The following PAX5 variants were observed in gnomAD, a reference collection of about 807,000 sequenced individuals.
PAX5 encodes the protein paired box 5.
In PAX5, 9 loss-of-function variants were observed where a neutral mutation model predicts 43.7. That is an observed-to-expected ratio of 0.21 (90% CI 0.12 to 0.36). The LOEUF (loss-of-function observed/expected upper bound fraction) is 0.36, where lower values mean the gene tolerates loss of function less well. Among genes scored for constraint, PAX5 ranks in the 10% least tolerant of loss-of-function variants. PAX5 has a pLI of 1.00. For missense variants in PAX5, 383 were observed against 532.7 expected (o/e 0.72, Z 2.77); for synonymous variants, 228 against 214.3 (o/e 1.06, Z -0.56).
chr9:36,939,897 G>A (rs1261436525), intron 6 of PAX5, among the ~76,000 whole-genome samples: 12 of 151,758 alleles, frequency 7.9e-5, no homozygotes. Flanking sequence ...CAGTGTCCTC[G>A]TGGCCACTCT....
At chr9:36,946,030 A>G (rs955782871) in intron 6 of PAX5, among the ~76,000 whole-genome samples, 2 of 152,186 alleles carry the variant, frequency 1.3e-5, no homozygotes, top group Non-Finnish European at 1.5e-5. Context: ...CTAAAGGAAC[A>G]GCACGCAGGA....
At chr9:36,972,407 A>G (rs1834989622) in intron 5 of PAX5, among the ~76,000 whole-genome samples, 1 of 152,190 alleles carries the variant, frequency 6.6e-6, no homozygotes, top group African/African-American at 2.4e-5. Flanking sequence ...CCCCAGTAGT[A>G]AGCTAAGGTA....
intron 6 of PAX5, among the ~76,000 whole-genome samples, chr9:36,950,325 G>A (rs1832891441): frequency 6.6e-6 from 1 of 152,194 alleles, no homozygotes; most frequent in Non-Finnish European, 1.5e-5. Context: ...TGGTTTCATA[G>A]CCAAGACATT....
intron 1 of PAX5, among the ~76,000 whole-genome samples, chr9:37,027,806 G>C (rs1156232879): frequency 6.6e-6 from 1 of 152,270 alleles, no homozygotes; most frequent in Non-Finnish European, 1.5e-5. Context: ...AGCCGGCCCT[G>C]GCCCGAAACA....
intron 6 of PAX5, among the ~76,000 whole-genome samples, chr9:36,949,817 AG>A (rs1281228990): frequency 2.6e-5 from 4 of 152,262 alleles, no homozygotes; most frequent in South Asian, 4.1e-4. Context: ...ATCCTACCAC[AG>A]CATCTCCTCA....
At chr9:36,990,401 G>T (rs1057074571) in intron 5 of PAX5, among the ~76,000 whole-genome samples, 2 of 152,194 alleles carry the variant, frequency 1.3e-5, no homozygotes, top group African/African-American at 2.4e-5. Context: ...ACTGGAGTGC[G>T]CATGAAAAGA....
intron 5 of PAX5, among the ~76,000 whole-genome samples, chr9:36,980,939 C>T (rs80003182): frequency 2.0e-5 from 3 of 152,216 alleles, no homozygotes; most frequent in Admixed American, 6.5e-5. Context: ...GGTACCCCCC[C>T]AGCAATCCCA....
chr9:36,843,093 C>T (rs562909908), intron 9 of PAX5, among the ~76,000 whole-genome samples: 99 of 149,202 alleles, frequency 6.6e-4, no homozygotes, highest in African/African-American at 1.6e-3. Context: ...TGTGTGTGTG[C>T]GTGTGTGTGT....
intron 5 of PAX5, among the ~76,000 whole-genome samples, 185 bp downstream of exon 5, chr9:37,002,463 G>A (rs1424739496): frequency 6.6e-6 from 1 of 152,258 alleles, no homozygotes; most frequent in Non-Finnish European, 1.5e-5. Context: ...CCTGCTGCCT[G>A]TCTGTCTTGC....
At chr9:36,876,335 T>C (rs1364522468) in intron 8 of PAX5, among the ~76,000 whole-genome samples, 1 of 152,252 alleles carries the variant, frequency 6.6e-6, no homozygotes, top group Non-Finnish European at 1.5e-5. Context: ...CATCAATCCA[T>C]GGCAAGTACA....
At chr9:36,982,179 G>T (rs181919330) in intron 5 of PAX5, among the ~76,000 whole-genome samples, 1 of 152,138 alleles carries the variant, frequency 6.6e-6, no homozygotes, top group Non-Finnish European at 1.5e-5. Context: ...CAGGAGAATC[G>T]CTTGAACCCA....
chr9:36,977,242 T>C (rs1039049335), intron 5 of PAX5, among the ~76,000 whole-genome samples: 5 of 140,058 alleles, frequency 3.6e-5, no homozygotes, highest in African/African-American at 5.4e-5. Context: ...CTTCCTCCCA[T>C]TTTACAGATG....
At chr9:37,017,073 A>C (rs1839445611) in intron 2 of PAX5, among the ~76,000 whole-genome samples, 1 of 152,178 alleles carries the variant, frequency 6.6e-6, no homozygotes, top group Admixed American at 6.5e-5. Flanking sequence ...ACAATATCCC[A>C]AAAAAACCAG....
intron 5 of PAX5, among the ~76,000 whole-genome samples, chr9:36,997,560 C>G (rs971407410): frequency 3.9e-5 from 6 of 152,244 alleles, no homozygotes; most frequent in Admixed American, 6.5e-5. Flanking sequence ...TGCCAAGTCT[C>G]TCCCTGCCAC....
chr9:36,992,754 C>T (rs1438971110), intron 5 of PAX5, among the ~76,000 whole-genome samples: 1 of 152,170 alleles, frequency 6.6e-6, no homozygotes, highest in Admixed American at 6.5e-5. Context: ...TTAACTGAAA[C>T]CACTTAATTG....
In PAX5 at chr9:37,013,843, T is replaced by C. The variant is rs576923856; in HGVS notation, c.410+1154A>G. ...AAAAACAGGCTAACAATTTACAAAATAGCAGGACTCAAAATGTGAACACAT... is the reference window on the plus strand; with the variant it reads ...AAAAACAGGCTAACAATTTACAAAACAGCAGGACTCAAAATGTGAACACAT... On this transcript the variant is annotated intron_variant, in intron 3 of 9. Transcript: ENST00000358127. Among the ~76,000 whole-genome samples the C allele has an allele frequency of 3.3e-5, 5 of 152,246 alleles. No individual in the cohort carries two copies. The East Asian group carries it at 9.6e-4, about 29-fold the overall frequency.
chr9:36,988,662 C>CAAAAAAAA (rs139552622), intron 5 of PAX5, among the ~76,000 whole-genome samples: 21 of 103,530 alleles, frequency 2.0e-4, no homozygotes, highest in African/African-American at 8.0e-4. Flanking sequence ...GACCCTGTCT[C>CAAAAAAAA]AAAAAAAAAA....
rs200288050 is a variant in PAX5, at chr9:36,868,263, G to A, written c.1012+13741C>T. On this transcript the variant is annotated intron_variant, in intron 8 of 9. Coordinates refer to ENST00000358127, the MANE Select transcript of PAX5 (RefSeq NM_016734.3). ...TGGACTCTGGACCGGGCAAGATGGG[G>A]AGGGGCATGTGCTGTATTCAGATAA... 1.9e-4 allele frequency among the ~76,000 whole-genome samples: 29 copies of A among 152,356 alleles called. No homozygotes were observed. In the East Asian group the frequency reaches 5.2e-3, roughly 27 times the overall value.
intron 7 of PAX5, among the ~76,000 whole-genome samples, chr9:36,884,578 T>A (rs1239187007): frequency 6.6e-6 from 1 of 152,184 alleles, no homozygotes; most frequent in Admixed American, 6.5e-5. Flanking sequence ...GTCAAGAACA[T>A]GTCAAGGAAA....
Sources: gnomAD v4.1 joint callset for allele counts (sites outside exome capture counted in the v4.1 genomes callset) on GRCh38, gnomAD v4.1.1 for gene constraint, MANE v1.5 for transcripts, NCBI Gene and HGNC (gene_info 2026-07-23, HGNC 2026-07-21) for gene names.